WDR12: variants seen among roughly 807,000 people sequenced by gnomAD.
The protein encoded by WDR12 is ribosome biogenesis protein WDR12.
WDR12 carries 42 observed loss-of-function variants against 64.3 expected under a neutral mutation model. That is an observed-to-expected ratio of 0.65 (90% CI 0.51 to 0.84). The LOEUF is 0.84. Ranked by LOEUF, WDR12 falls within the 40% of genes least tolerant of loss-of-function variation. WDR12 has a pLI of 0.00. For missense variants in WDR12, 469 were observed against 494.6 expected (o/e 0.95, Z 0.49); for synonymous variants, 158 against 173.3 (o/e 0.91, Z 0.70).
intron 1 of WDR12, 141 bp downstream of exon 1, chr2:202,911,295 C>T: frequency 3.8e-6 from 3 of 791,468 alleles, no homozygotes; most frequent in Non-Finnish European, 6.4e-6. Context: ...ATAGAACCTA[C>T]GAAGCTGGTT....
chr2:202,906,616 C>A (rs1055732935), intron 2 of WDR12, among the ~76,000 whole-genome samples: 2 of 152,126 alleles, frequency 1.3e-5, no homozygotes, highest in South Asian at 2.1e-4. Flanking sequence ...GTAATCCCAG[C>A]ACTTTGGGAG....
chr2:202,885,155 C>T (rs1298648463), intron 8 of WDR12, among the ~76,000 whole-genome samples: 3 of 152,144 alleles, frequency 2.0e-5, no homozygotes, highest in Non-Finnish European at 4.4e-5. Flanking sequence ...TTTTTGGGAT[C>T]CCTCAGCTGT....
At position 202,876,968 on chromosome 2, in the gene WDR12, A is replaced by G. The variant is rs899331518; in HGVS notation, c.*3892T>C. 4 of 152,144 alleles carry G rather than the reference A, an allele frequency of 2.6e-5. No individual in the cohort carries two copies. Among genetic ancestry groups the G allele is most frequent in the Non-Finnish European group, 5.9e-5 (4 of 68,032 alleles). 9.4% of individuals were successfully genotyped at this position (152,144 alleles called of 1,614,324 possible). A position where few individuals can be genotyped will look rare whatever the true frequency, so the allele number is the denominator to read the frequency against. ...AAAAATAAAAACTAGTATCTTTCAA[A>G]AAATTTAATATTTTCCTTATATTTG... On this transcript the variant is annotated 3_prime_UTR_variant, in exon 13 of 13. Transcript: ENST00000261015.
intron 8 of WDR12, among the ~76,000 whole-genome samples, chr2:202,887,565 T>C (rs535248677): frequency 2.6e-5 from 4 of 152,144 alleles, no homozygotes; most frequent in East Asian, 3.9e-4. Flanking sequence ...AAAGGTGACA[T>C]AGAGGTAATC....
chr2:202,909,563 A>C (rs1163810486), intron 1 of WDR12, among the ~76,000 whole-genome samples: 1 of 152,152 alleles, frequency 6.6e-6, no homozygotes, highest in Non-Finnish European at 1.5e-5. Context: ...GGATGATGAA[A>C]AATGTTCTAA....
Position 202,883,643 on chromosome 2 carries a change from A to C in WDR12, c.1087T>G (p.Leu363Val). ...THEQQLISGS[L>V]DNIVKLWDTR... Reference sequence around the variant, plus strand: ...TCCCACAGCTTAACAATGTTATCTAAAGATCCTGAAATCAGCTGCTGTTCA... The same window carrying C: ...TCCCACAGCTTAACAATGTTATCTACAGATCCTGAAATCAGCTGCTGTTCA... Residue 363 changes from leucine to valine, a missense_variant, in exon 11 of 13, where the codon TTA becomes GTA. Coordinates refer to ENST00000261015, the MANE Select transcript of WDR12 (RefSeq NM_018256.4). The C allele has an allele frequency of 1.9e-6, 3 of 1,614,114 alleles. No individual in the cohort carries two copies. Among genetic ancestry groups the C allele is most frequent in the Non-Finnish European group, 2.5e-6 (3 of 1,180,020 alleles).
Position 202,877,812 on chromosome 2 carries a change from G to A in WDR12, c.*3048C>T, listed in dbSNP as rs939554732. ...AGGTTCCTAGCTTTTCCCCAACCAC[G>A]GGAAAGCAGCACCACTCATTTATCC... On this transcript the variant is annotated 3_prime_UTR_variant, in exon 13 of 13. Coordinates refer to ENST00000261015, the MANE Select transcript of WDR12 (RefSeq NM_018256.4). The A allele has an allele frequency of 2.0e-5, 3 of 152,216 alleles. No homozygotes were observed. Among genetic ancestry groups the A allele is most frequent in the Admixed American group, 6.6e-5 (1 of 15,264 alleles). 9.4% of individuals were successfully genotyped at this position (152,216 alleles called of 1,614,324 possible). A position where few individuals can be genotyped will look rare whatever the true frequency, so the allele number is the denominator to read the frequency against.
chr2:202,895,818 C>T (rs1048153345), intron 6 of WDR12, among the ~76,000 whole-genome samples: 1 of 151,906 alleles, frequency 6.6e-6, no homozygotes, highest in Admixed American at 6.6e-5. Flanking sequence ...GCGTGAGCCA[C>T]CGCGCCCGGC....
chr2:202,910,918 A>G (rs1284576164), intron 1 of WDR12, among the ~76,000 whole-genome samples: 2 of 152,192 alleles, frequency 1.3e-5, no homozygotes, highest in Non-Finnish European at 2.9e-5. Context: ...CAAGAAGCTT[A>G]ATTAATATAT....
chr2:202,894,564 A>C lies in WDR12; in HGVS notation c.655+17T>G, dbSNP rs1688207309. ...AACAACATTATTAAGTCAAGGTAAA[A>C]TAAATATTTAATTTACCTGTAGACC... On this transcript the variant is annotated intron_variant, in intron 7 of 12. Transcript: ENST00000261015. The C allele has an allele frequency of 6.3e-7, 1 of 1,587,900 alleles. No individual in the cohort carries two copies.
chr2:202,883,788 T>C (rs2105902994), intron 10 of WDR12, 47 bp from the exon 11 acceptor site: 2 of 1,575,458 alleles, frequency 1.3e-6, no homozygotes, highest in African/African-American at 1.4e-5. Flanking sequence ...AAAAGGGAAG[T>C]AGGTAGAAGG....
At chr2:202,910,077 T>C (rs1224174211) in intron 1 of WDR12, among the ~76,000 whole-genome samples, 1 of 152,186 alleles carries the variant, frequency 6.6e-6, no homozygotes, top group Non-Finnish European at 1.5e-5. Flanking sequence ...ATTACAGACA[T>C]GAGCCACAGC....
At chr2:202,906,537 G>A (rs72936834) in intron 2 of WDR12, among the ~76,000 whole-genome samples, 13,539 of 152,246 alleles carry the variant, frequency 0.089, 740 homozygotes, top group Non-Finnish European at 0.12. Context: ...AGTCAGAAGA[G>A]CTCTGCAGCA....
In WDR12 at chr2:202,897,419, T is replaced by C. The variant is rs1688267829; in HGVS notation, c.339-4A>G. ...ATCATAAGAACCAGTCAAGATCCTA[T>C]GAGAAAAAAAAATCTTATGAAACAC... On this transcript the variant is annotated splice_polypyrimidine_tract_variant and splice_region_variant and intron_variant, in intron 4 of 12. Coordinates refer to ENST00000261015, the MANE Select transcript of WDR12 (RefSeq NM_018256.4). 6.6e-7 allele frequency: 1 copy of C among 1,507,806 alleles called. No homozygotes were observed. Among genetic ancestry groups the C allele is most frequent in the East Asian group, 2.5e-5 (1 of 40,816 alleles). The allele number at this position is 1,507,806 out of a possible 1,614,324, so 93.4% of individuals were successfully genotyped here.
At chr2:202,907,791 A>G in intron 2 of WDR12, 74 bp downstream of exon 2, 1 of 1,256,484 alleles carries the variant, frequency 8.0e-7, no homozygotes, top group Non-Finnish European at 1.1e-6. Context: ...ATAAGGCCAA[A>G]AAAGGAACTA....
chr2:202,894,885 G>A (rs934588412), intron 6 of WDR12: 8 of 326,302 alleles, frequency 2.5e-5, no homozygotes, highest in South Asian at 6.1e-5. Context: ...ACAAGACAGC[G>A]AGAGGGTGTG....
chr2:202,911,425 C>A lies in WDR12; in HGVS notation c.41+11G>T. ...CTGGGGAAGGGAGAGAAGGCTGGAA[C>A]GCTTACTTACTTCTTGTTATCAGTG... On this transcript the variant is annotated intron_variant, in intron 1 of 12. Transcript: ENST00000261015. The A allele has an allele frequency of 1.2e-6, 2 of 1,613,960 alleles. No homozygotes were observed. Among genetic ancestry groups the A allele is most frequent in the Non-Finnish European group, 8.5e-7 (1 of 1,179,886 alleles).
intron 5 of WDR12, 25 bp downstream of exon 5, chr2:202,897,275 C>G: frequency 6.5e-7 from 1 of 1,533,174 alleles, no homozygotes; most frequent in Non-Finnish European, 8.9e-7. Flanking sequence ...TAGGATTCCT[C>G]TAAGTGTAGG....
Position 202,878,176 on chromosome 2 carries a change from G to C in WDR12, c.*2684C>G, listed in dbSNP as rs1353758394. ...TGTGGAACCAGGATTGGGAATAGGT[G>C]GGGACCAGTTCTGGATGCCATTTTA... On this transcript the variant is annotated 3_prime_UTR_variant, in exon 13 of 13. Transcript: ENST00000261015. 6.6e-6 allele frequency: 1 copy of C among 152,216 alleles called. No individual in the cohort carries two copies. Among genetic ancestry groups the C allele is most frequent in the Non-Finnish European group, 1.5e-5 (1 of 68,056 alleles). The allele number at this position is 152,216 out of a possible 1,614,324, so 9.4% of individuals were successfully genotyped here. A position where few individuals can be genotyped will look rare whatever the true frequency, so the allele number is the denominator to read the frequency against.
Sources: gnomAD v4.1 joint callset for allele counts (sites outside exome capture counted in the v4.1 genomes callset) on GRCh38, gnomAD v4.1.1 for gene constraint, MANE v1.5 for transcripts, NCBI Gene and HGNC (gene_info 2026-07-23, HGNC 2026-07-21) for gene names.